DEFB110: variants seen among roughly 807,000 people sequenced by gnomAD.
DEFB110 encodes defensin beta 110.
In DEFB110, 4 loss-of-function variants were observed where a neutral mutation model predicts 2.5. That is an observed-to-expected ratio of 1.60 (90% CI 0.79 to 3.66). The LOEUF is 3.66. Ranked by LOEUF, DEFB110 falls within the 30% of genes most tolerant of loss-of-function variation. The probability of loss-of-function intolerance (pLI) is 0.01; values close to 1 mark genes in which losing one functional copy is unlikely to be tolerated. For synonymous variants in DEFB110, 29 were observed against 21.8 expected (o/e 1.33, Z -0.92); for missense variants, 94 against 75.4 (o/e 1.25, Z -0.91).
At position 50,021,986 on chromosome 6, in the gene DEFB110, A is replaced by G. The variant is rs1333888005; in HGVS notation, c.-51T>C. ...GGCAACAGACCTCCTTTTTCAAGTC[A>G]GTTGTTTTGAAATAAGGAAACAGAG... On this transcript the variant is annotated 5_prime_UTR_variant, in exon 1 of 2. Transcript: ENST00000371148. 7 of 1,458,162 alleles carry G rather than the reference A, an allele frequency of 4.8e-6. No individual in the cohort carries two copies. Among genetic ancestry groups the G allele is most frequent in the Non-Finnish European group, 5.5e-6 (6 of 1,090,780 alleles). 90.3% of individuals were successfully genotyped at this position (1,458,162 alleles called of 1,614,324 possible). A position where few individuals can be genotyped will look rare whatever the true frequency, so the allele number is the denominator to read the frequency against.
At chr6:50,016,209 C>A (rs536582644), downstream of DEFB110, among the ~76,000 whole-genome samples, 7 of 151,858 alleles carry the variant, frequency 4.6e-5, no homozygotes, top group Admixed American at 1.3e-4. Context: ...CTTCCTAGTT[C>A]ACGTGAGAAT....
chr6:50,019,400 A>G (rs956607115), intron 1 of DEFB110, among the ~76,000 whole-genome samples: 3 of 152,128 alleles, frequency 2.0e-5, no homozygotes, highest in Non-Finnish European at 4.4e-5. Context: ...AAAAGTGACC[A>G]TAATTTATCT....
intron 1 of DEFB110, among the ~76,000 whole-genome samples, chr6:50,012,548 T>A (rs1179979904): frequency 6.6e-6 from 1 of 151,946 alleles, no homozygotes; most frequent in Non-Finnish European, 1.5e-5. Flanking sequence ...AAAAATGCAT[T>A]TAGTAATACT....
At chr6:50,009,271 G>T (rs200402957) in exon 2 of DEFB110, 1 of 1,588,220 alleles carries the variant, frequency 6.3e-7, no homozygotes. Context: ...ATTGCTTCTG[G>T]CTGCAATCAA....
At chr6:50,010,280 G>C (rs545340518) in intron 1 of DEFB110, among the ~76,000 whole-genome samples, 1 of 152,028 alleles carries the variant, frequency 6.6e-6, no homozygotes, top group Non-Finnish European at 1.5e-5. Flanking sequence ...TTTAAATTAT[G>C]TAATATCTGT....
chr6:50,021,988 T>C lies in DEFB110; in HGVS notation c.-53A>G. On this transcript the variant is annotated 5_prime_UTR_variant, in exon 1 of 2. Coordinates refer to ENST00000371148, the MANE Select transcript of DEFB110 (RefSeq NM_001037497.2). Reference sequence around the variant, plus strand: ...CAACAGACCTCCTTTTTCAAGTCAGTTGTTTTGAAATAAGGAAACAGAGAT... The same window carrying C: ...CAACAGACCTCCTTTTTCAAGTCAGCTGTTTTGAAATAAGGAAACAGAGAT... 6.9e-7 allele frequency: 1 copy of C among 1,451,936 alleles called. No homozygotes were observed. The highest frequency in any genetic ancestry group is 2.5e-5 in the East Asian group (1 of 40,008). 89.9% of individuals were successfully genotyped at this position (1,451,936 alleles called of 1,614,324 possible). A position where few individuals can be genotyped will look rare whatever the true frequency, so the allele number is the denominator to read the frequency against.
intron 1 of DEFB110, among the ~76,000 whole-genome samples, chr6:50,020,717 G>A (rs1270712605): frequency 2.6e-5 from 4 of 152,056 alleles, no homozygotes; most frequent in Admixed American, 2.0e-4. Flanking sequence ...TATTAATATT[G>A]GCTTTCTTCT....
At chr6:50,012,565 G>T (rs771061460) in intron 1 of DEFB110, among the ~76,000 whole-genome samples, 1 of 151,826 alleles carries the variant, frequency 6.6e-6, no homozygotes, top group Non-Finnish European at 1.5e-5. Context: ...TACTTCAGAG[G>T]GTTGTGTGGC....
chr6:50,021,614 G>A (rs949167912), intron 1 of DEFB110, among the ~76,000 whole-genome samples: 5 of 152,112 alleles, frequency 3.3e-5, no homozygotes, highest in African/African-American at 9.7e-5. Context: ...CATAAACTTG[G>A]TAATGTTAAT....
intron 1 of DEFB110, among the ~76,000 whole-genome samples, chr6:50,009,742 C>A (rs888612762): frequency 6.6e-6 from 1 of 152,114 alleles, no homozygotes; most frequent in African/African-American, 2.4e-5. Flanking sequence ...AATGTACTAA[C>A]TTCACTGATA....
intron 1 of DEFB110, among the ~76,000 whole-genome samples, chr6:50,012,346 G>A (rs1198175853): frequency 1.3e-5 from 2 of 151,624 alleles, no homozygotes. Context: ...GAAAATGCTT[G>A]AAACAAATTA....
At chr6:50,013,423 G>T (rs1214811500) in intron 1 of DEFB110, among the ~76,000 whole-genome samples, 1 of 151,744 alleles carries the variant, frequency 6.6e-6, no homozygotes, top group Non-Finnish European at 1.5e-5. Context: ...AAATTATATG[G>T]ATGTGAACTT....
chr6:50,018,194 A>G (rs1774350773), downstream of DEFB110, among the ~76,000 whole-genome samples: 1 of 151,920 alleles, frequency 6.6e-6, no homozygotes, highest in Non-Finnish European at 1.5e-5. Context: ...AGTGAAATTG[A>G]AAAGTGAAGG....
At position 50,018,906 on chromosome 6, in the gene DEFB110, G is replaced by A; in HGVS notation, c.*71C>T. ...ATTATAGAGACACACACGCCTTGAA[G>A]GATGTGCTGGGAAAACTTAATAACG... On this transcript the variant is annotated 3_prime_UTR_variant, in exon 2 of 2. Coordinates refer to ENST00000371148, the MANE Select transcript of DEFB110 (RefSeq NM_001037497.2). 6.6e-7 allele frequency: 1 copy of A among 1,525,076 alleles called. No homozygotes were observed. Among genetic ancestry groups the A allele is most frequent in the Non-Finnish European group, 8.8e-7 (1 of 1,141,476 alleles). 94.5% of individuals were successfully genotyped at this position (1,525,076 alleles called of 1,614,324 possible).
downstream of DEFB110, among the ~76,000 whole-genome samples, chr6:50,014,895 T>C (rs1774291220): frequency 6.6e-6 from 1 of 151,844 alleles, no homozygotes; most frequent in African/African-American, 2.4e-5. Flanking sequence ...ATCTCTGCAT[T>C]AGATGTCATC....
Position 50,009,358 on chromosome 6 carries a change from TA to T in DEFB110, c.56-88del, listed in dbSNP as rs1774189020. On this transcript the variant is annotated intron_variant, in intron 1 of 1. Coordinates refer to the DEFB110 transcript ENST00000393660. ...AAAGAAAGACAAAAACTGTTCCAGTTATGAGATCATGTGTGTGCAAGTTGGA... is the reference window on the plus strand; with the variant it reads ...AAAGAAAGACAAAAACTGTTCCAGTTTGAGATCATGTGTGTGCAAGTTGGA... 5.0e-6 allele frequency: 7 copies of T among 1,387,572 alleles called. No homozygotes were observed. The African/African-American group carries it at 1.0e-4, about 20-fold the overall frequency. The allele number at this position is 1,387,572 out of a possible 1,614,324, so 86.0% of individuals were successfully genotyped here. A position where few individuals can be genotyped will look rare whatever the true frequency, so the allele number is the denominator to read the frequency against.
chr6:50,011,163 T>C (rs1774221703), intron 1 of DEFB110, among the ~76,000 whole-genome samples: 1 of 151,286 alleles, frequency 6.6e-6, no homozygotes, highest in Admixed American at 6.6e-5. Context: ...TACGTATCAA[T>C]TTATAATACA....
chr6:50,019,137 GAAGA>G lies in DEFB110; in HGVS notation c.56-16_56-13del, dbSNP rs1270072032. ...ATATTTCTTTTTGGCTGTAAGAAGG[GAAGA>G]ATGACTAAAATTAGCCATCTAGCTA... On this transcript the variant is annotated splice_polypyrimidine_tract_variant and intron_variant, in intron 1 of 1. Coordinates refer to ENST00000371148, the MANE Select transcript of DEFB110 (RefSeq NM_001037497.2). 2.5e-6 allele frequency: 4 copies of G among 1,609,078 alleles called. No individual in the cohort carries two copies. In the African/African-American group the frequency reaches 4.0e-5, roughly 16 times the overall value.
downstream of DEFB110, among the ~76,000 whole-genome samples, chr6:50,014,218 C>T (rs1774278270): frequency 6.6e-6 from 1 of 151,682 alleles, no homozygotes; most frequent in Non-Finnish European, 1.5e-5. Flanking sequence ...TAAAATAAAC[C>T]TTTGAGTTTG....
Sources: gnomAD v4.1 joint callset for allele counts (sites outside exome capture counted in the v4.1 genomes callset) on GRCh38, gnomAD v4.1.1 for gene constraint, MANE v1.5 for transcripts, NCBI Gene and HGNC (gene_info 2026-07-23, HGNC 2026-07-21) for gene names.